NRXN3: variants seen among roughly 807,000 people sequenced by gnomAD.
NRXN3 encodes the protein neurexin 3.
NRXN3 carries 32 observed loss-of-function variants against 137.6 expected under a neutral mutation model. The ratio of observed to expected loss-of-function variants is 0.23; its 90% confidence interval spans 0.18 to 0.31. The LOEUF is 0.31. Ranked by LOEUF, NRXN3 falls within the 10% of genes least tolerant of loss-of-function variation. The probability of loss-of-function intolerance (pLI) is 1.00; values close to 1 mark genes in which losing one functional copy is unlikely to be tolerated. For missense variants in NRXN3, 1,574 were observed against 2,062.5 expected (o/e 0.76, Z 4.59); for synonymous variants, 798 against 784.5 (o/e 1.02, Z -0.29).
At chr14:79,328,975 G>T (rs1213569402) in intron 15 of NRXN3, among the ~76,000 whole-genome samples, 1 of 152,140 alleles carries the variant, frequency 6.6e-6, no homozygotes, top group Non-Finnish European at 1.5e-5. Context: ...ATAATTTTCA[G>T]CTGAGGTGGT....
chr14:78,956,013 C>CTATG (rs1453218944), intron 10 of NRXN3, among the ~76,000 whole-genome samples: 1 of 152,186 alleles, frequency 6.6e-6, no homozygotes, highest in Non-Finnish European at 1.5e-5. Flanking sequence ...AAAGCTCCTA[C>CTATG]TATGTACTTG....
At chr14:79,717,120 C>T (rs963980550) in intron 19 of NRXN3, among the ~76,000 whole-genome samples, 2 of 152,292 alleles carry the variant, frequency 1.3e-5, no homozygotes, top group African/African-American at 2.4e-5. Context: ...GGAGTCACCA[C>T]TTAGTGAATG....
At chr14:78,772,819 A>G (rs1228823898) in intron 8 of NRXN3, among the ~76,000 whole-genome samples, 4 of 152,328 alleles carry the variant, frequency 2.6e-5, no homozygotes, top group South Asian at 4.1e-4. Context: ...AGTGAACTGT[A>G]AAGTTTTGTG....
At chr14:78,343,779 A>G (rs2082397390) in intron 4 of NRXN3, among the ~76,000 whole-genome samples, 2 of 152,192 alleles carry the variant, frequency 1.3e-5, no homozygotes, top group Admixed American at 1.3e-4. Context: ...GCACATTGCA[A>G]TCACCTGGGG....
chr14:79,244,990 G>A (rs1473529388), intron 15 of NRXN3, among the ~76,000 whole-genome samples: 1 of 152,150 alleles, frequency 6.6e-6, no homozygotes, highest in Non-Finnish European at 1.5e-5. Flanking sequence ...ACAGTGGAAG[G>A]AGGTTAGCTT....
chr14:79,542,274 T>A (rs2097280804), intron 16 of NRXN3, among the ~76,000 whole-genome samples: 2 of 152,128 alleles, frequency 1.3e-5, no homozygotes, highest in Admixed American at 1.3e-4. Flanking sequence ...TGCTCTTTTG[T>A]TTTGTTTTTC....
Position 79,499,956 on chromosome 14 carries a change from C to CATGTGTGTGTGTGTGTGT in NRXN3, c.3444+32554_3444+32555insATGTGTGTGTGTGTGTGT, listed in dbSNP as rs60538373. Among the ~76,000 whole-genome samples, 291 of 145,226 alleles carry CATGTGTGTGTGTGTGTGT rather than the reference C, an allele frequency of 2.0e-3. 2 individuals are homozygous for CATGTGTGTGTGTGTGTGT. Among genetic ancestry groups the CATGTGTGTGTGTGTGTGT allele is most frequent in the East Asian group, 0.018 (90 of 4,912 alleles). On this transcript the variant is annotated intron_variant, in intron 16 of 20. Transcript: ENST00000335750. ...GGTTTTCTGTCAGTTATCTTAGGGTCGTGTGTGTGTGTGTGTGTGTGTGTG... is the reference window on the plus strand; with the variant it reads ...GGTTTTCTGTCAGTTATCTTAGGGTCATGTGTGTGTGTGTGTGTGTGTGTGTGTGTGTGTGTGTGTGTG...
intron 15 of NRXN3, among the ~76,000 whole-genome samples, chr14:79,163,286 A>G (rs886801352): frequency 6.6e-6 from 1 of 151,974 alleles, no homozygotes; most frequent in Non-Finnish European, 1.5e-5. Context: ...CTGTGAAACA[A>G]GTACTGTACT....
chr14:79,623,100 CTT>C (rs1468872246), intron 16 of NRXN3, among the ~76,000 whole-genome samples: 25 of 152,202 alleles, frequency 1.6e-4, no homozygotes, highest in African/African-American at 5.1e-4. Flanking sequence ...CAGGGAAACT[CTT>C]TATTCCTTTT....
rs113808713 is a variant in NRXN3 at position 79,348,829 on chromosome 14, A to T, written c.3263-118392A>T. ...AAACTTCTGCATGATCAATTACTGCAGATTTTTGCACCTAGCTCCACTACG... is the reference window on the plus strand; with the variant it reads ...AAACTTCTGCATGATCAATTACTGCTGATTTTTGCACCTAGCTCCACTACG... On this transcript the variant is annotated intron_variant, in intron 15 of 20. Coordinates refer to ENST00000335750, the MANE Select transcript of NRXN3 (RefSeq NM_001330195.2). Among the ~76,000 whole-genome samples the T allele has an allele frequency of 2.8e-3, 430 of 152,306 alleles. 2 individuals carry two copies. Among genetic ancestry groups the T allele is most frequent in the African/African-American group, 9.6e-3 (401 of 41,572 alleles).
At chr14:78,867,902 A>G (rs1030369677) in intron 10 of NRXN3, among the ~76,000 whole-genome samples, 4 of 150,932 alleles carry the variant, frequency 2.7e-5, no homozygotes, top group Non-Finnish European at 5.9e-5. Flanking sequence ...AAATAAATAT[A>G]TGCTTCTTTA....
At chr14:78,746,630 C>T (rs73317967) in intron 8 of NRXN3, among the ~76,000 whole-genome samples, 26,904 of 152,074 alleles carry the variant, frequency 0.18, 3,145 homozygotes, top group African/African-American at 0.32. Flanking sequence ...CTGGGGAAGT[C>T]CTCTCCTTTT....
In NRXN3 at chr14:78,962,381, T is replaced by C. The variant is rs983752184; in HGVS notation, c.2396-3644T>C. ...AATTTTCAGTAGTCTTGGTTTTGGC[T>C]TGTTATCTTTCTCCCCAGTTACTTC... On this transcript the variant is annotated intron_variant, in intron 11 of 20. Transcript: ENST00000335750. Among the ~76,000 whole-genome samples, 59 of 151,246 alleles carry C rather than the reference T, an allele frequency of 3.9e-4. 1 individual carries two copies. Among genetic ancestry groups the C allele is most frequent in the African/African-American group, 1.4e-3 (56 of 40,572 alleles).
rs149942175 is a variant in NRXN3 at position 78,298,819 on chromosome 14, A to G, written c.757+959A>G. Among the ~76,000 whole-genome samples, 75 of 152,338 alleles carry G rather than the reference A, an allele frequency of 4.9e-4. No individual in the cohort carries two copies. In the Middle Eastern group the frequency reaches 0.014, roughly 28 times the overall value. ...AGCACCTCTTCTGGAGGACCAAAGAAAAAGGGAAAGAAGGATAATTCCATA... is the reference window on the plus strand; with the variant it reads ...AGCACCTCTTCTGGAGGACCAAAGAGAAAGGGAAAGAAGGATAATTCCATA... On this transcript the variant is annotated intron_variant, in intron 4 of 20. Coordinates refer to ENST00000335750, the MANE Select transcript of NRXN3 (RefSeq NM_001330195.2).
chr14:78,419,944 TGCGC>T (rs1469709244), intron 4 of NRXN3, among the ~76,000 whole-genome samples: 1 of 17,214 alleles, frequency 5.8e-5, no homozygotes, highest in African/African-American at 1.0e-4. Context: ...TGCACGTGTG[TGCGC>T]GCGCGCGCGC....
At chr14:78,236,043 T>C (rs2066252470) in intron 1 of NRXN3, among the ~76,000 whole-genome samples, 2 of 152,226 alleles carry the variant, frequency 1.3e-5, no homozygotes, top group Admixed American at 6.5e-5. Flanking sequence ...TAATTTTCTT[T>C]AAAACCCTTC....
intron 4 of NRXN3, among the ~76,000 whole-genome samples, chr14:78,527,010 C>A (rs891694120): frequency 2.0e-5 from 3 of 152,236 alleles, no homozygotes; most frequent in African/African-American, 4.8e-5. Context: ...TTCAAGTAAT[C>A]TAGAGCTGGA....
At chr14:78,375,702 G>A (rs1282598208) in intron 4 of NRXN3, among the ~76,000 whole-genome samples, 3 of 152,174 alleles carry the variant, frequency 2.0e-5, no homozygotes, top group East Asian at 1.9e-4. Flanking sequence ...CAATGGAAGA[G>A]GTCTATTTTA....
chr14:78,308,652 T>C (rs983027526), intron 4 of NRXN3, among the ~76,000 whole-genome samples: 2 of 152,072 alleles, frequency 1.3e-5, no homozygotes, highest in African/African-American at 2.4e-5. Flanking sequence ...GCCTCGCAAA[T>C]GCCTGCAGAT....
Sources: gnomAD v4.1 joint callset for allele counts (sites outside exome capture counted in the v4.1 genomes callset) on GRCh38, gnomAD v4.1.1 for gene constraint, MANE v1.5 for transcripts, NCBI Gene and HGNC (gene_info 2026-07-23, HGNC 2026-07-21) for gene names.